Variants in HMHB1 observed in about 807,000 individuals in gnomAD.
HMHB1 encodes minor histocompatibility protein HB-1.
HMHB1 carries 4 observed loss-of-function variants against 2.4 expected under a neutral mutation model. The ratio of observed to expected loss-of-function variants is 1.65; its 90% confidence interval spans 0.81 to 3.77. The LOEUF (loss-of-function observed/expected upper bound fraction) is 3.77. Ranked by LOEUF, HMHB1 falls within the 30% of genes most tolerant of loss-of-function variation. The pLI, the probability that HMHB1 is intolerant of heterozygous loss-of-function variation, is 0.01. For synonymous variants in HMHB1, 22 were observed against 17.6 expected (o/e 1.25, Z -0.63); for missense variants, 57 against 44.2 (o/e 1.29, Z -0.82).
intron 1 of HMHB1, among the ~76,000 whole-genome samples, chr5:143,817,048 A>AT (rs1759756920): frequency 1.3e-5 from 2 of 151,436 alleles, no homozygotes; most frequent in Non-Finnish European, 1.5e-5. Flanking sequence ...TTTTGATGGG[A>AT]TTTTTTTCTT....
At chr5:143,815,739 G>A (rs1759740763) in intron 1 of HMHB1, among the ~76,000 whole-genome samples, 1 of 147,388 alleles carries the variant, frequency 6.8e-6, no homozygotes, top group African/African-American at 2.6e-5. Context: ...TCGCTCTGTC[G>A]CCCAGGCCGG....
intron 1 of HMHB1, 79 bp from the exon 2 acceptor site, chr5:143,820,401 G>A: frequency 1.5e-6 from 1 of 654,204 alleles, no homozygotes; most frequent in South Asian, 1.7e-5. Flanking sequence ...TACTCTGTTT[G>A]GAGTTTTATT....
intron 1 of HMHB1, among the ~76,000 whole-genome samples, chr5:143,819,686 C>T (rs1354721765): frequency 6.6e-6 from 1 of 151,472 alleles, no homozygotes; most frequent in Non-Finnish European, 1.5e-5. Flanking sequence ...ATGGCAATAC[C>T]CCATGTCTCA....
intron 1 of HMHB1, among the ~76,000 whole-genome samples, chr5:143,819,182 G>C (rs1445084219): frequency 6.6e-6 from 1 of 152,162 alleles, no homozygotes; most frequent in Non-Finnish European, 1.5e-5. Context: ...TACCAGCCAA[G>C]ACTCACAATA....
chr5:143,817,395 TG>T (rs1759760158), intron 1 of HMHB1, among the ~76,000 whole-genome samples: 1 of 152,190 alleles, frequency 6.6e-6, no homozygotes, highest in South Asian at 2.1e-4. Flanking sequence ...TGGTGAGAGA[TG>T]GGGATCCAGT....
chr5:143,818,434 T>C (rs921273336), intron 1 of HMHB1, among the ~76,000 whole-genome samples: 1 of 152,256 alleles, frequency 6.6e-6, no homozygotes, highest in African/African-American at 2.4e-5. Flanking sequence ...AGTGATACTA[T>C]ACTATTAAGT....
intron 1 of HMHB1, among the ~76,000 whole-genome samples, chr5:143,815,027 A>T (rs912924392): frequency 1.3e-5 from 2 of 152,186 alleles, no homozygotes; most frequent in African/African-American, 4.8e-5. Flanking sequence ...GCTCTGTCTG[A>T]TACTGTTCCC....
intron 1 of HMHB1, among the ~76,000 whole-genome samples, chr5:143,814,840 T>C (rs1759730425): frequency 6.6e-6 from 1 of 152,246 alleles, no homozygotes; most frequent in Non-Finnish European, 1.5e-5. Context: ...CTAAAAGTTA[T>C]CCTTCAAAGT....
chr5:143,816,001 C>T (rs1205326643), intron 1 of HMHB1, among the ~76,000 whole-genome samples: 1 of 152,188 alleles, frequency 6.6e-6, no homozygotes, highest in Non-Finnish European at 1.5e-5. Flanking sequence ...CCGCTGTGCC[C>T]AGCCCTCTTT....
chr5:143,819,861 TGGA>T (rs1257503770), intron 1 of HMHB1, among the ~76,000 whole-genome samples: 30 of 152,170 alleles, frequency 2.0e-4, no homozygotes, highest in Non-Finnish European at 3.8e-4. Context: ...CCTGGGCTTA[TGGA>T]AAAACTGTTC....
At position 143,820,479 on chromosome 5, in the gene HMHB1, G is replaced by C. The variant is rs202039699; in HGVS notation, c.38-1G>C. 1 of 1,597,096 alleles carries C rather than the reference G, an allele frequency of 6.3e-7. No homozygotes were observed. The highest frequency in any genetic ancestry group is 2.2e-5 in the East Asian group (1 of 44,736). On this transcript the variant is annotated splice_acceptor_variant, in intron 1 of 1. Coordinates refer to ENST00000289448, the MANE Select transcript of HMHB1 (RefSeq NM_021182.3). LOFTEE classifies it high-confidence loss of function. ...CTCAGCTAAGCCATTCTTTTCTATA[G>C]GTTCTCTGCATGTTTGGAAGTCGGA... is the stretch of plus-strand genomic sequence containing the variant.
chr5:143,814,583 A>T (rs1340338134), intron 1 of HMHB1, among the ~76,000 whole-genome samples: 1 of 152,136 alleles, frequency 6.6e-6, no homozygotes, highest in African/African-American at 2.4e-5. Flanking sequence ...AACATCTCAC[A>T]TCCTCCTCAT....
intron 1 of HMHB1, among the ~76,000 whole-genome samples, chr5:143,819,314 G>A (rs1227125877): frequency 6.6e-6 from 1 of 152,286 alleles, no homozygotes; most frequent in South Asian, 2.1e-4. Flanking sequence ...CAGTTATGGG[G>A]TTATTGTAAG....
intron 1 of HMHB1, among the ~76,000 whole-genome samples, chr5:143,816,013 C>T (rs983457931): frequency 2.0e-5 from 3 of 152,128 alleles, no homozygotes; most frequent in Non-Finnish European, 4.4e-5. Flanking sequence ...GCCCTCTTTT[C>T]CACTTTTAAG....
intron 1 of HMHB1, among the ~76,000 whole-genome samples, chr5:143,820,162 A>G (rs1231498576): frequency 2.0e-5 from 3 of 151,906 alleles, no homozygotes; most frequent in African/African-American, 7.3e-5. Flanking sequence ...TTTATTAGCA[A>G]AACTAATTGC....
At chr5:143,814,765 A>G (rs1400671990) in intron 1 of HMHB1, among the ~76,000 whole-genome samples, 1 of 152,224 alleles carries the variant, frequency 6.6e-6, no homozygotes, top group Admixed American at 6.5e-5. Flanking sequence ...ACCTACAAAT[A>G]GAGTCATAAT....
At chr5:143,820,128 T>C (rs1346367563) in intron 1 of HMHB1, among the ~76,000 whole-genome samples, 5 of 151,820 alleles carry the variant, frequency 3.3e-5, no homozygotes, top group African/African-American at 1.2e-4. Flanking sequence ...AAATAAGATT[T>C]TTTTGCAGAA....
Position 143,812,194 on chromosome 5 carries a change from C to T in HMHB1, c.-74C>T. 1.4e-6 allele frequency: 2 copies of T among 1,429,826 alleles called. No homozygotes were observed. Among genetic ancestry groups the T allele is most frequent in the East Asian group, 2.5e-5 (1 of 40,310 alleles). The allele number at this position is 1,429,826 out of a possible 1,614,324, so 88.6% of individuals were successfully genotyped here. ...CAGGAGGCCGAGGCGGCTTGCCCCG[C>T]ATCTCAGAAGCCGGGCAGGCCCTGA... On this transcript the variant is annotated 5_prime_UTR_variant, in exon 1 of 2. Coordinates refer to ENST00000289448, the MANE Select transcript of HMHB1 (RefSeq NM_021182.3).
intron 1 of HMHB1, among the ~76,000 whole-genome samples, chr5:143,818,275 G>A (rs2126794092): frequency 6.6e-6 from 1 of 152,262 alleles, no homozygotes; most frequent in East Asian, 1.9e-4. Flanking sequence ...ACATCCACCA[G>A]AACTTATAGA....
Sources: allele counts gnomAD v4.1 joint callset (sites outside exome capture counted in the v4.1 genomes callset), GRCh38; gene constraint gnomAD v4.1.1; transcripts MANE v1.5; gene names NCBI Gene and HGNC (gene_info 2026-07-23, HGNC 2026-07-21).